The following GTF2IRD1 variants were observed in gnomAD, a reference collection of about 807,000 sequenced individuals.
GTF2IRD1 encodes general transcription factor II-I repeat domain-containing protein 1.
In GTF2IRD1, 26 loss-of-function variants were observed where a neutral mutation model predicts 113.2. That is an observed-to-expected ratio of 0.23 (90% CI 0.17 to 0.32). The LOEUF (loss-of-function observed/expected upper bound fraction) is 0.32. Ranked by LOEUF, GTF2IRD1 falls within the 10% of genes least tolerant of loss-of-function variation. GTF2IRD1 has a pLI of 1.00. For missense variants in GTF2IRD1, 864 were observed against 1,280.8 expected (o/e 0.67, Z 4.97); for synonymous variants, 484 against 529.1 (o/e 0.91, Z 1.17).
At chr7:74,599,002 C>T (rs1802586019) in intron 25 of GTF2IRD1, among the ~76,000 whole-genome samples, 1 of 152,088 alleles carries the variant, frequency 6.6e-6, no homozygotes, top group South Asian at 2.1e-4. Context: ...GTCATTAAGA[C>T]CCTTCCGGTG....
chr7:74,593,732 CAA>C (rs1554370932), intron 24 of GTF2IRD1, among the ~76,000 whole-genome samples: 54 of 81,586 alleles, frequency 6.6e-4, no homozygotes, highest in African/African-American at 1.5e-3. Flanking sequence ...GACTCCATCT[CAA>C]AAAAAAAAAA....
intron 1 of GTF2IRD1, among the ~76,000 whole-genome samples, chr7:74,482,244 T>G (rs1482723453): frequency 1.4e-5 from 2 of 146,278 alleles, no homozygotes; most frequent in Non-Finnish European, 3.0e-5. Flanking sequence ...TTTTTTTTTT[T>G]TTGAGACGGG....
At chr7:74,566,093 T>C (rs1554360638) in intron 22 of GTF2IRD1, among the ~76,000 whole-genome samples, 1 of 151,898 alleles carries the variant, frequency 6.6e-6, no homozygotes, top group African/African-American at 2.4e-5. Flanking sequence ...AATACAGAAA[T>C]CTAACAACCC....
Position 74,547,530 on chromosome 7 carries a change from C to G in GTF2IRD1, c.1916+244C>G, listed in dbSNP as rs369344501. ...AACTTGGCTCACTGCAACCTCCGCT[C>G]TGGCTTCAAGCGAGTCTCCTGCCTC... On this transcript the variant is annotated intron_variant, in intron 17 of 26. Coordinates refer to ENST00000424337, the MANE Select transcript of GTF2IRD1 (RefSeq NM_005685.4). Among the ~76,000 whole-genome samples, 393 of 149,760 alleles carry G rather than the reference C, an allele frequency of 2.6e-3. 3 individuals carry two copies. The highest frequency in any genetic ancestry group is 9.3e-3 in the African/African-American group (377 of 40,682).
At chr7:74,557,504 C>T in intron 19 of GTF2IRD1, 135 bp from the exon 20 acceptor site, 1 of 613,416 alleles carries the variant, frequency 1.6e-6, no homozygotes. Context: ...GCTGAAGGAC[C>T]TGAGGGGCCC....
intron 8 of GTF2IRD1, among the ~76,000 whole-genome samples, chr7:74,527,163 T>C (rs1554347389): frequency 1.3e-5 from 2 of 152,018 alleles, no homozygotes; most frequent in Non-Finnish European, 2.9e-5. Context: ...GTGAAGTGGA[T>C]ACTCAGGTCA....
At chr7:74,514,317 C>A (rs928157153) in intron 3 of GTF2IRD1, among the ~76,000 whole-genome samples, 33 of 152,260 alleles carry the variant, frequency 2.2e-4, no homozygotes, top group Non-Finnish European at 4.4e-5. Context: ...CCCCCACCCC[C>A]CTCAGCCCTC....
intron 17 of GTF2IRD1, among the ~76,000 whole-genome samples, chr7:74,548,241 C>A (rs1799076490): frequency 6.6e-6 from 1 of 151,434 alleles, no homozygotes; most frequent in South Asian, 2.1e-4. Flanking sequence ...CACGGTGAAA[C>A]CCCGTCTCTA....
chr7:74,566,081 A>G (rs1800296528), intron 22 of GTF2IRD1, among the ~76,000 whole-genome samples: 1 of 152,136 alleles, frequency 6.6e-6, no homozygotes, highest in Non-Finnish European at 1.5e-5. Context: ...AGAAATTTGG[A>G]AAATACAGAA....
At chr7:74,499,796 G>C (rs1562805908) in intron 1 of GTF2IRD1, among the ~76,000 whole-genome samples, 2 of 152,072 alleles carry the variant, frequency 1.3e-5, no homozygotes, top group Non-Finnish European at 2.9e-5. Context: ...GAATGAGTGA[G>C]TGAATGAATG....
At chr7:74,561,455 G>A (rs1201373498) in intron 22 of GTF2IRD1, among the ~76,000 whole-genome samples, 1 of 152,020 alleles carries the variant, frequency 6.6e-6, no homozygotes, top group African/African-American at 2.4e-5. Flanking sequence ...GTTGGAGAGG[G>A]TTTCCTGGAG....
intron 2 of GTF2IRD1, among the ~76,000 whole-genome samples, chr7:74,510,181 G>A (rs1159714326): frequency 2.0e-5 from 3 of 152,150 alleles, no homozygotes; most frequent in Non-Finnish European, 4.4e-5. Flanking sequence ...ACTTTCATGA[G>A]GAGGGGGCCC....
intron 9 of GTF2IRD1, among the ~76,000 whole-genome samples, chr7:74,532,059 A>G (rs1393964951): frequency 3.3e-5 from 5 of 152,296 alleles, no homozygotes; most frequent in Middle Eastern, 3.4e-3. Context: ...AACTGTGCTT[A>G]GAGGCTGGCC....
intron 24 of GTF2IRD1, 43 bp downstream of exon 24, chr7:74,591,060 C>T (rs1802030310): frequency 7.0e-7 from 1 of 1,438,640 alleles, no homozygotes; most frequent in Admixed American, 1.7e-5. Context: ...GAGGGCGAGG[C>T]CATGGGGAGG....
At chr7:74,468,530 G>A (rs1315569641) in intron 1 of GTF2IRD1, among the ~76,000 whole-genome samples, 8 of 151,072 alleles carry the variant, frequency 5.3e-5, no homozygotes, top group Admixed American at 6.6e-5. Context: ...GTGGTGGCAC[G>A]TGCCTGTAAT....
chr7:74,468,949 A>T (rs1396870412), intron 1 of GTF2IRD1, among the ~76,000 whole-genome samples: 1 of 149,912 alleles, frequency 6.7e-6, no homozygotes, highest in Non-Finnish European at 1.5e-5. Context: ...GCCGGGCGTG[A>T]TGGTGGGCGC....
At chr7:74,472,499 C>T (rs1171496461) in intron 1 of GTF2IRD1, among the ~76,000 whole-genome samples, 2 of 152,188 alleles carry the variant, frequency 1.3e-5, no homozygotes, top group South Asian at 2.1e-4. Flanking sequence ...GTAATCCCAG[C>T]ACTTTGGGAG....
chr7:74,515,523 G>C lies in GTF2IRD1; in HGVS notation c.348G>C (p.Arg116=). 6.2e-7 allele frequency: 1 copy of C among 1,613,938 alleles called. No homozygotes were observed. The highest frequency in any genetic ancestry group is 1.1e-5 in the South Asian group (1 of 91,038). The change falls in exon 4 of 27, where the codon CGG becomes CGC. Residue 116 remains arginine (R), a synonymous_variant. Transcript: ENST00000424337. The part of the protein sequence containing the change: ...RGEGGGRSLP[R]SSLEHGSDVY... ...AGGGTGGAGGCCGTAGCCTCCCTCG[G>C]TCCTCCCTGGAACATGGCTCAGATG...
chr7:74,579,430 C>G (rs1198491340), intron 22 of GTF2IRD1, among the ~76,000 whole-genome samples: 3 of 152,032 alleles, frequency 2.0e-5, no homozygotes, highest in Admixed American at 6.6e-5. Flanking sequence ...CCAGCCTGAC[C>G]AACATGATGA....
Sources: gnomAD v4.1 joint callset for allele counts (sites outside exome capture counted in the v4.1 genomes callset) on GRCh38, gnomAD v4.1.1 for gene constraint, MANE v1.5 for transcripts, NCBI Gene and HGNC (gene_info 2026-07-23, HGNC 2026-07-21) for gene names.